The following BPTF variants were observed in gnomAD, a reference collection of about 807,000 sequenced individuals.
BPTF encodes the protein bromodomain PHD finger transcription factor.
In BPTF, 18 loss-of-function variants were observed where a neutral mutation model predicts 292.5. The ratio of observed to expected loss-of-function variants is 0.06; its 90% CI spans 0.04 to 0.09. The LOEUF is 0.09. Among genes scored for constraint, BPTF ranks in the 10% least tolerant of loss-of-function variants. BPTF has a pLI of 1.00. For missense variants in BPTF, 2,726 were observed against 3,498.7 expected (o/e 0.78, Z 5.57); for synonymous variants, 1,225 against 1,251.9 (o/e 0.98, Z 0.45).
chr17:67,864,991 A>G lies in BPTF; in HGVS notation c.1437-1473A>G, dbSNP rs181286363. Among the ~76,000 whole-genome samples the G allele has an allele frequency of 7.9e-3, 1,196 of 152,120 alleles. 23 individuals are homozygous for G. Among genetic ancestry groups the G allele is most frequent in the African/African-American group, 0.028 (1,148 of 41,500 alleles). On this transcript the variant is annotated intron_variant, in intron 2 of 27. Transcript: ENST00000306378. ...GGCTAATTTTTTTTGTATTTTTAGT[A>G]GAGACCGGGTTTCACCGTGTTAACC...
chr17:67,882,780 G>T (rs1452370493), intron 4 of BPTF, among the ~76,000 whole-genome samples: 3 of 152,182 alleles, frequency 2.0e-5, no homozygotes, highest in Non-Finnish European at 2.9e-5. Flanking sequence ...GCCAAGATGG[G>T]CAGATTGCTT....
intron 7 of BPTF, among the ~76,000 whole-genome samples, chr17:67,902,937 G>A (rs563392737): frequency 1.3e-5 from 2 of 152,282 alleles, no homozygotes; most frequent in South Asian, 2.1e-4. Context: ...GTTTTGCTTC[G>A]TGTCTCTCTG....
At chr17:67,960,787 TGTG>T (rs1194504054) in intron 24 of BPTF, among the ~76,000 whole-genome samples, 2 of 152,196 alleles carry the variant, frequency 1.3e-5, no homozygotes, top group Non-Finnish European at 2.9e-5. Context: ...AAAATAAAAT[TGTG>T]GTCCCTTTAA....
chr17:67,881,835 A>G (rs1466731650), intron 4 of BPTF, among the ~76,000 whole-genome samples: 3 of 124,200 alleles, frequency 2.4e-5, no homozygotes, highest in African/African-American at 8.9e-5. Flanking sequence ...TGTAATATGG[A>G]GTTTTGGGGA....
rs866513534 is a variant in BPTF at position 67,872,972 on chromosome 17, A to G, written c.1661-1845A>G. Among the ~76,000 whole-genome samples, 4 of 152,156 alleles carry G rather than the reference A, an allele frequency of 2.6e-5. 1 individual carries two copies. The South Asian group carries it at 8.3e-4, about 31-fold the overall frequency. ...CGTGGTGACACATACCTATAGTTCC[A>G]TCTACTCGGGAGGCTGAGGTGGGAG... On this transcript the variant is annotated intron_variant, in intron 3 of 27. Transcript: ENST00000306378.
At chr17:67,972,805 A>G (rs2068910180) in intron 26 of BPTF, among the ~76,000 whole-genome samples, 1 of 151,798 alleles carries the variant, frequency 6.6e-6, no homozygotes, top group Non-Finnish European at 1.5e-5. Context: ...AAATTAGTCA[A>G]GCAGTAAGTA....
chr17:67,861,345 T>TTC (rs1013108876), intron 2 of BPTF, among the ~76,000 whole-genome samples: 3 of 150,982 alleles, frequency 2.0e-5, no homozygotes, highest in Non-Finnish European at 4.4e-5. Flanking sequence ...TTTTTCTTTT[T>TTC]TTTTTTTTTT....
At chr17:67,950,079 A>G (rs1480226136) in intron 23 of BPTF, among the ~76,000 whole-genome samples, 1 of 144,750 alleles carries the variant, frequency 6.9e-6, no homozygotes, top group Admixed American at 7.0e-5. Context: ...AAAACATTTC[A>G]TAACATATCT....
chr17:67,953,961 C>CTTTTTTTTTTTTTTTTTTT lies in BPTF; in HGVS notation c.7927-5557_7927-5539dup, dbSNP rs869063412. On this transcript the variant is annotated intron_variant, in intron 23 of 27. Transcript: ENST00000306378. ...ATCTTTTTTCTTTTTCTTTTCTTTT[C>CTTTTTTTTTTTTTTTTTTT]TTTTTTTTTTTTTTTTTTTTTTTTT... 7.6e-5 allele frequency among the ~76,000 whole-genome samples: 5 copies of CTTTTTTTTTTTTTTTTTTT among 65,640 alleles called. 1 individual carries two copies. Among genetic ancestry groups the CTTTTTTTTTTTTTTTTTTT allele is most frequent in the African/African-American group, 3.6e-4 (5 of 13,816 alleles). 43.1% of individuals were successfully genotyped at this position (65,640 alleles called of 152,430 possible). A position where few individuals can be genotyped will look rare whatever the true frequency, so the allele number is the denominator to read the frequency against.
intron 24 of BPTF, among the ~76,000 whole-genome samples, chr17:67,961,852 T>TAA: frequency 6.6e-6 from 1 of 152,032 alleles, no homozygotes; most frequent in East Asian, 1.9e-4. Context: ...CACACACCTG[T>TAA]AATCCCAGCT....
At chr17:67,873,712 A>C (rs896060699) in intron 3 of BPTF, among the ~76,000 whole-genome samples, 1 of 152,208 alleles carries the variant, frequency 6.6e-6, no homozygotes, top group Non-Finnish European at 1.5e-5. Context: ...GCATTCACTC[A>C]TATACATATG....
At chr17:67,862,273 G>A (rs943765706) in intron 2 of BPTF, among the ~76,000 whole-genome samples, 2 of 152,212 alleles carry the variant, frequency 1.3e-5, no homozygotes, top group African/African-American at 4.8e-5. Flanking sequence ...ATCGTGCCCG[G>A]CCTAGTTACT....
intron 14 of BPTF, among the ~76,000 whole-genome samples, chr17:67,923,471 C>CT (rs58462646): frequency 0.037 from 2,525 of 67,524 alleles, 732 homozygotes; most frequent in Non-Finnish European, 0.047. Flanking sequence ...CTCTCTCTGT[C>CT]TTTTTTTTTT....
Position 67,984,073 on chromosome 17 carries a change from T to C in BPTF, c.*1785T>C, listed in dbSNP as rs1345982970. 3 of 152,650 alleles carry C rather than the reference T, an allele frequency of 2.0e-5. No individual in the cohort carries two copies. Among genetic ancestry groups the C allele is most frequent in the African/African-American group, 7.2e-5 (3 of 41,460 alleles). The allele number at this position is 152,650 out of a possible 1,614,324, so 9.5% of individuals were successfully genotyped here. The stretch of plus-strand genomic sequence containing the variant: ...AAGTAGTTAAATATGGGTTATTTTG[T>C]CCTTTTACTTTTTTAAAAAATGTTA... On this transcript the variant is annotated 3_prime_UTR_variant, in exon 28 of 28. Coordinates refer to ENST00000306378, the MANE Select transcript of BPTF (RefSeq NM_182641.4).
intron 26 of BPTF, among the ~76,000 whole-genome samples, chr17:67,969,813 A>T (rs2068563686): frequency 6.6e-6 from 1 of 151,962 alleles, no homozygotes; most frequent in Admixed American, 6.6e-5. Flanking sequence ...AAAACAAAAA[A>T]TGCTCAGGAG....
intron 26 of BPTF, 146 bp downstream of exon 26, chr17:67,966,802 CTAT>C (rs2068147633): frequency 1.4e-6 from 1 of 735,360 alleles, no homozygotes; most frequent in Admixed American, 3.7e-5. Context: ...TTGTTAGTAT[CTAT>C]TAAAGTTTAA....
Position 67,945,515 on chromosome 17 carries a change from G to A in BPTF, c.6807G>A (p.Gln2269=). Residue 2269 remains glutamine, a synonymous_variant, in exon 21 of 28, where the codon CAG becomes CAA. Coordinates refer to ENST00000306378, the MANE Select transcript of BPTF (RefSeq NM_182641.4). ...QSSSVGPAEA[Q]PQTAQPSAQP... The stretch of plus-strand genomic sequence containing the variant: ...CAAGTGTGGGTCCAGCAGAAGCCCA[G>A]CCACAGACTGCTCAGCCTTCAGCTC... 1 of 1,614,042 alleles carries A rather than the reference G, an allele frequency of 6.2e-7. No individual in the cohort carries two copies. The highest frequency in any genetic ancestry group is 1.1e-5 in the South Asian group (1 of 91,062).
intron 3 of BPTF, among the ~76,000 whole-genome samples, chr17:67,868,857 C>T (rs1426490917): frequency 6.6e-6 from 1 of 152,140 alleles, no homozygotes; most frequent in Admixed American, 6.6e-5. Context: ...CATATAAATA[C>T]TGTTGGGCAC....
At chr17:67,925,158 A>C (rs1028616825) in intron 15 of BPTF, among the ~76,000 whole-genome samples, 6 of 151,388 alleles carry the variant, frequency 4.0e-5, no homozygotes, top group African/African-American at 1.5e-4. Flanking sequence ...AAAAGTATAC[A>C]TATTTGGAGG....
Sources: allele counts gnomAD v4.1 joint callset (sites outside exome capture counted in the v4.1 genomes callset), GRCh38; gene constraint gnomAD v4.1.1; transcripts MANE v1.5; gene names NCBI Gene and HGNC (gene_info 2026-07-23, HGNC 2026-07-21).